STT3B: variants seen among roughly 807,000 people sequenced by gnomAD.
STT3B encodes STT3 oligosaccharyltransferase complex catalytic subunit B, also known as dolichyl-diphosphooligosaccharide--protein glycosyltransferase subunit STT3B.
A neutral mutation model predicts 96.8 loss-of-function variants in STT3B; 29 were observed. The observed-to-expected ratio is 0.30, with a 90% CI of 0.22 to 0.41. The LOEUF (loss-of-function observed/expected upper bound fraction) is 0.41, where lower values mean the gene tolerates loss of function less well. Among genes scored for constraint, STT3B ranks in the 10% least tolerant of loss-of-function variants. The pLI is 1.00. For missense variants in STT3B, 640 were observed against 1,022.3 expected, an observed-to-expected ratio of 0.63 and a Z score of 5.10; for synonymous variants, 367 against 360.0, an observed-to-expected ratio of 1.02 and a Z score of -0.22.
intron 1 of STT3B, among the ~76,000 whole-genome samples, chr3:31,542,481 A>C (rs1697301953): frequency 6.6e-6 from 1 of 152,188 alleles, no homozygotes; most frequent in Non-Finnish European, 1.5e-5. Flanking sequence ...TCTTTGTTGA[A>C]GAAAAATTTA....
chr3:31,564,561 T>C (rs1697955541), intron 1 of STT3B, among the ~76,000 whole-genome samples: 1 of 152,238 alleles, frequency 6.6e-6, no homozygotes, highest in African/African-American at 2.4e-5. Context: ...AACAAAGGTA[T>C]TTAAGGCATA....
In STT3B at chr3:31,572,038, G is replaced by A. The variant is rs1198764447; in HGVS notation, c.315-4358G>A. ...AACATATTAATATATATTAATATAT[G>A]ATATATTAATATATCATATATTAAT... On this transcript the variant is annotated intron_variant, in intron 1 of 15. Transcript: ENST00000295770. Among the ~76,000 whole-genome samples the A allele has an allele frequency of 2.4e-3, 96 of 39,822 alleles. 2 individuals carry two copies. Among genetic ancestry groups the A allele is most frequent in the Middle Eastern group, 0.032 (2 of 62 alleles). The allele number at this position is 39,822 out of a possible 152,430, so 26.1% of individuals were successfully genotyped here. A position where few individuals can be genotyped will look rare whatever the true frequency, so the allele number is the denominator to read the frequency against.
chr3:31,620,833 G>A (rs1324089651), intron 9 of STT3B, among the ~76,000 whole-genome samples: 2 of 152,184 alleles, frequency 1.3e-5, no homozygotes, highest in African/African-American at 4.8e-5. Context: ...GACCATGAGT[G>A]ACACATGAAT....
chr3:31,613,160 T>C (rs911880295), intron 5 of STT3B, among the ~76,000 whole-genome samples: 1 of 152,108 alleles, frequency 6.6e-6, no homozygotes, highest in Admixed American at 6.5e-5. Context: ...ACCTTATGCG[T>C]GTACTCAATA....
chr3:31,587,572 T>C (rs951955401), intron 3 of STT3B, among the ~76,000 whole-genome samples: 1 of 152,082 alleles, frequency 6.6e-6, no homozygotes, highest in African/African-American at 2.4e-5. Flanking sequence ...TCAAGGTTTG[T>C]CTATGTTGAA....
Position 31,622,807 on chromosome 3 carries a change from G to A in STT3B, c.1539+499G>A, listed in dbSNP as rs72856084. Among the ~76,000 whole-genome samples the A allele has an allele frequency of 2.6e-3, 400 of 152,280 alleles. 2 individuals are homozygous for A. The highest frequency in any genetic ancestry group is 9.4e-3 in the African/African-American group (392 of 41,564). On this transcript the variant is annotated intron_variant, in intron 10 of 15. Coordinates refer to ENST00000295770, the MANE Select transcript of STT3B (RefSeq NM_178862.3). ...TCCAGTTCGTTAGCAATAGGTAACT[G>A]GCCAATACAGGTAATTTATTTTTAA... is the stretch of plus-strand genomic sequence containing the variant.
chr3:31,629,749 T>C (rs1271703454), intron 14 of STT3B, among the ~76,000 whole-genome samples: 2 of 152,194 alleles, frequency 1.3e-5, no homozygotes, highest in Admixed American at 1.3e-4. Context: ...GTGTCTTAGG[T>C]CACTTTGCTG....
At chr3:31,546,040 T>G (rs1322379807) in intron 1 of STT3B, among the ~76,000 whole-genome samples, 10 of 152,214 alleles carry the variant, frequency 6.6e-5, no homozygotes, top group Admixed American at 6.5e-4. Context: ...TTGACAGACA[T>G]TTGAATATCC....
chr3:31,577,633 A>G (rs1413831801), intron 2 of STT3B, among the ~76,000 whole-genome samples: 1 of 152,128 alleles, frequency 6.6e-6, no homozygotes, highest in African/African-American at 2.4e-5. Context: ...GTGTTTAGAA[A>G]GAACATGTTC....
In STT3B at chr3:31,533,112, C is replaced by T. The variant is rs747440150; in HGVS notation, c.114C>T (p.Ala38=). 1 of 1,392,968 alleles carries T rather than the reference C, an allele frequency of 7.2e-7. No homozygotes were observed. The highest frequency in any genetic ancestry group is 1.8e-5 in the South Asian group (1 of 56,284). 86.3% of individuals were successfully genotyped at this position (1,392,968 alleles called of 1,614,324 possible). The change falls in exon 1 of 16, where the codon GCC becomes GCT. Residue 38 remains alanine, a synonymous_variant. Transcript: ENST00000295770. ...GGCACGGCCACCACGGGCCCGGGGC[C>T]CAGTGCGCGCACAAGGCGGCGGGCG... ...NSRHGHHGPG[A]QCAHKAAGGA...
intron 5 of STT3B, among the ~76,000 whole-genome samples, chr3:31,608,050 T>C (rs1044922882): frequency 5.9e-5 from 9 of 152,198 alleles, no homozygotes; most frequent in Non-Finnish European, 1.0e-4. Flanking sequence ...TGTACAGTTT[T>C]ATGTTTGTGG....
chr3:31,565,075 ATTCT>A (rs1218422897), intron 1 of STT3B, among the ~76,000 whole-genome samples: 6 of 152,154 alleles, frequency 3.9e-5, no homozygotes, highest in African/African-American at 1.4e-4. Context: ...GCATTCTCTC[ATTCT>A]TTCTTTTTCA....
chr3:31,613,270 A>G (rs1383263665), intron 5 of STT3B, among the ~76,000 whole-genome samples: 1 of 152,112 alleles, frequency 6.6e-6, no homozygotes, highest in African/African-American at 2.4e-5. Flanking sequence ...TTCTTATATT[A>G]AACCTAAATT....
At position 31,549,170 on chromosome 3, in the gene STT3B, GGACT is replaced by G. The variant is rs536333324; in HGVS notation, c.314+15863_314+15866del. 4.3e-4 allele frequency among the ~76,000 whole-genome samples: 66 copies of G among 152,138 alleles called. 1 individual carries two copies. The South Asian group carries it at 8.9e-3, about 21-fold the overall frequency. ...CAAAGTCGTAGAGATAATAAAACTA[GGACT>G]GACTTTCTTCAGTGTTTTAAATCTT... On this transcript the variant is annotated intron_variant, in intron 1 of 15. Coordinates refer to ENST00000295770, the MANE Select transcript of STT3B (RefSeq NM_178862.3).
At chr3:31,608,232 G>C (rs1216463948) in intron 5 of STT3B, among the ~76,000 whole-genome samples, 1 of 152,128 alleles carries the variant, frequency 6.6e-6, no homozygotes, top group African/African-American at 2.4e-5. Context: ...TTTTCCATAG[G>C]TTTTCATTTA....
intron 3 of STT3B, among the ~76,000 whole-genome samples, chr3:31,585,562 T>G (rs767146882): frequency 6.6e-6 from 1 of 151,900 alleles, no homozygotes; most frequent in Non-Finnish European, 1.5e-5. Context: ...ACAGGTTTTG[T>G]TTTGTTTTGT....
chr3:31,577,250 T>G (rs188664618), intron 2 of STT3B, among the ~76,000 whole-genome samples: 6 of 152,212 alleles, frequency 3.9e-5, no homozygotes, highest in Admixed American at 3.3e-4. Flanking sequence ...TTCATGTTCT[T>G]TTTCTGACTT....
At chr3:31,561,682 GT>G (rs1380411475) in intron 1 of STT3B, among the ~76,000 whole-genome samples, 1 of 151,978 alleles carries the variant, frequency 6.6e-6, no homozygotes, top group Non-Finnish European at 1.5e-5. Context: ...TAATTACTGT[GT>G]TCTTTTGGAG....
At chr3:31,580,280 G>C (rs1698353703) in intron 3 of STT3B, among the ~76,000 whole-genome samples, 184 bp downstream of exon 3, 1 of 152,090 alleles carries the variant, frequency 6.6e-6, no homozygotes, top group African/African-American at 2.4e-5. Flanking sequence ...CTCAAGTTAT[G>C]TGTAAATATC....
Sources: allele counts gnomAD v4.1 joint callset (sites outside exome capture counted in the v4.1 genomes callset), GRCh38; gene constraint gnomAD v4.1.1; transcripts MANE v1.5; gene names NCBI Gene and HGNC (gene_info 2026-07-23, HGNC 2026-07-21).